Variants in LNPEP observed in about 807,000 individuals in gnomAD.
The protein encoded by LNPEP is leucyl and cystinyl aminopeptidase, also known as leucyl-cystinyl aminopeptidase.
In LNPEP, 64 loss-of-function variants were observed where a neutral mutation model predicts 120.6. The ratio of observed to expected loss-of-function variants is 0.53; its 90% CI spans 0.43 to 0.65. The LOEUF (loss-of-function observed/expected upper bound fraction) is 0.65, where lower values mean the gene tolerates loss of function less well. Ranked by LOEUF, LNPEP falls within the 30% of genes least tolerant of loss-of-function variation. The pLI is 0.00. For missense variants in LNPEP, 1,057 were observed against 1,200.0 expected (o/e 0.88, Z 1.76); for synonymous variants, 435 against 425.4 (o/e 1.02, Z -0.28).
chr5:96,979,144 T>C lies in LNPEP; in HGVS notation c.26T>C (p.Leu9Pro). 1.6e-5 allele frequency: 26 copies of C among 1,598,344 alleles called. No homozygotes were observed. Among genetic ancestry groups the C allele is most frequent in the Non-Finnish European group, 2.1e-5 (25 of 1,172,290 alleles). Residue 9 changes from leucine to proline, a missense_variant, in exon 2 of 18, where the codon CTT becomes CCT. Transcript: ENST00000231368. ...TTATGTTTTGGTTTTTTAGATCGGCTTCAGCTCCCCAGGAATATGATTGAA... is the reference window on the plus strand; with the variant it reads ...TTATGTTTTGGTTTTTTAGATCGGCCTCAGCTCCCCAGGAATATGATTGAA... MEPFTNDR[L>P]QLPRNMIENS...
chr5:96,938,171 A>G (rs980564954), intron 1 of LNPEP, among the ~76,000 whole-genome samples: 5 of 152,254 alleles, frequency 3.3e-5, no homozygotes, highest in African/African-American at 1.2e-4. Context: ...GTGTTTTCAA[A>G]TGACATGGTA....
rs748704674 is a variant in LNPEP at position 96,998,121 on chromosome 5, G to A, written c.1629G>A (p.Met543Ile). The A allele has an allele frequency of 6.3e-7, 1 of 1,599,340 alleles. No homozygotes were observed. Among genetic ancestry groups the A allele is most frequent in the Non-Finnish European group, 8.5e-7 (1 of 1,173,644 alleles). Residue 543 changes from methionine (M) to isoleucine (I), a missense_variant, in exon 8 of 18, where the codon ATG becomes ATA. By Grantham distance (10) the Met-to-Ile change is conservative (BLOSUM62 1). Transcript: ENST00000231368. ...AGTCTTCAGAACAAATTGAAGAAAT[G>A]TTTGATTCTCTTTCCTATTTTAAGG... ...SVQSSEQIEE[M>I]FDSLSYFKGS...
intron 4 of LNPEP, among the ~76,000 whole-genome samples, chr5:96,989,074 C>T (rs546442861): frequency 2.6e-5 from 4 of 151,618 alleles, no homozygotes; most frequent in African/African-American, 9.7e-5. Context: ...TTTTAGATGA[C>T]TATGTTTTCT....
At chr5:96,994,038 G>T in intron 6 of LNPEP, 67 bp downstream of exon 6, 1 of 1,263,112 alleles carries the variant, frequency 7.9e-7, no homozygotes, top group South Asian at 1.5e-5. Flanking sequence ...GTTATTGTTA[G>T]CATTTAGATG....
chr5:96,937,066 T>C (rs1054352473), intron 1 of LNPEP: 1 of 152,114 alleles, frequency 6.6e-6, no homozygotes, highest in East Asian at 1.9e-4. Flanking sequence ...CCTTTTAAGA[T>C]AGAAAGTAGG....
At chr5:96,950,880 A>T (rs1414172200) in intron 1 of LNPEP, among the ~76,000 whole-genome samples, 5 of 152,192 alleles carry the variant, frequency 3.3e-5, no homozygotes, top group Non-Finnish European at 2.9e-5. Flanking sequence ...GAGTAATTAT[A>T]TGGGAACATA....
At chr5:96,995,641 G>A (rs904194655) in intron 6 of LNPEP, among the ~76,000 whole-genome samples, 5 of 151,740 alleles carry the variant, frequency 3.3e-5, no homozygotes, top group Non-Finnish European at 5.9e-5. Context: ...TGATCCTCCC[G>A]CCTCATCCTC....
intron 1 of LNPEP, among the ~76,000 whole-genome samples, chr5:96,946,644 C>T (rs867328753): frequency 3.3e-5 from 5 of 152,242 alleles, no homozygotes; most frequent in Middle Eastern, 6.8e-3. Context: ...TTTGACTAAT[C>T]CATAACTAAT....
chr5:97,002,291 G>A (rs992672313), intron 8 of LNPEP, among the ~76,000 whole-genome samples: 16 of 152,054 alleles, frequency 1.1e-4, no homozygotes, highest in African/African-American at 3.4e-4. Context: ...AAAACAGCAC[G>A]GTAACGAGTT....
chr5:97,028,389 G>A lies in LNPEP; in HGVS notation c.2947-13G>A, dbSNP rs746498479. ...TTTTCTTCTTTTGAAATTCTTCTGT[G>A]TGAAACTTACAGGTTCAGGCATTCT... On this transcript the variant is annotated splice_polypyrimidine_tract_variant and intron_variant, in intron 17 of 17. Coordinates refer to ENST00000231368, the MANE Select transcript of LNPEP (RefSeq NM_005575.3). 6.2e-7 allele frequency: 1 copy of A among 1,612,974 alleles called. No homozygotes were observed. The highest frequency in any genetic ancestry group is 8.5e-7 in the Non-Finnish European group (1 of 1,179,060).
rs1791493972 is a variant in LNPEP at position 97,032,733 on chromosome 5, T to A, written c.*4200T>A. 6.6e-6 allele frequency: 1 copy of A among 152,224 alleles called. No individual in the cohort carries two copies. The highest frequency in any genetic ancestry group is 1.9e-4 in the East Asian group (1 of 5,202). 9.4% of individuals were successfully genotyped at this position (152,224 alleles called of 1,614,324 possible). On this transcript the variant is annotated 3_prime_UTR_variant, in exon 18 of 18. Coordinates refer to ENST00000231368, the MANE Select transcript of LNPEP (RefSeq NM_005575.3). The stretch of plus-strand genomic sequence containing the variant: ...ATTTTGTGTTATTTCATTTTGTATT[T>A]CATTCATCCATTTTGTGGACGTGTA...
intron 1 of LNPEP, among the ~76,000 whole-genome samples, chr5:96,945,132 C>A (rs1288515938): frequency 6.6e-6 from 1 of 152,020 alleles, no homozygotes; most frequent in East Asian, 1.9e-4. Context: ...TGCAGTGGCT[C>A]ACACCTGTAA....
At chr5:96,991,210 A>G (rs537382816) in intron 4 of LNPEP, among the ~76,000 whole-genome samples, 7 of 152,296 alleles carry the variant, frequency 4.6e-5, no homozygotes, top group South Asian at 2.1e-4. Flanking sequence ...ATCGTCCCCA[A>G]TTCCATCCAG....
At chr5:96,992,130 TC>T (rs1271022572) in intron 4 of LNPEP, among the ~76,000 whole-genome samples, 1 of 152,194 alleles carries the variant, frequency 6.6e-6, no homozygotes. Flanking sequence ...GTTTGTCGCA[TC>T]ATATATGTTT....
At chr5:96,968,136 A>G (rs1452659608) in intron 1 of LNPEP, among the ~76,000 whole-genome samples, 2 of 152,102 alleles carry the variant, frequency 1.3e-5, no homozygotes, top group Non-Finnish European at 2.9e-5. Context: ...AATAGTGTGC[A>G]TAATTTCCTT....
At position 96,971,345 on chromosome 5, in the gene LNPEP, TTGTGTGTG is replaced by T. The variant is rs3076561; in HGVS notation, c.20-7761_20-7754del. ...CATGATGTGCTTAAGACATTATTAT[TTGTGTGTG>T]TGTGTGTGTGTGTGTGTGTGTGTGT... On this transcript the variant is annotated intron_variant, in intron 1 of 17. Coordinates refer to ENST00000231368, the MANE Select transcript of LNPEP (RefSeq NM_005575.3). Among the ~76,000 whole-genome samples, 406 of 142,908 alleles carry T rather than the reference TTGTGTGTG, an allele frequency of 2.8e-3. 2 individuals carry two copies. Among genetic ancestry groups the T allele is most frequent in the South Asian group, 9.0e-3 (40 of 4,468 alleles). The allele number at this position is 142,908 out of a possible 152,430, so 93.8% of individuals were successfully genotyped here. A position where few individuals can be genotyped will look rare whatever the true frequency, so the allele number is the denominator to read the frequency against.
intron 15 of LNPEP, among the ~76,000 whole-genome samples, chr5:97,025,955 G>A (rs73141126): frequency 0.025 from 3,763 of 152,144 alleles, 160 homozygotes; most frequent in African/African-American, 0.086. Context: ...GGAGTGGGGC[G>A]TGGTTTCTCA....
chr5:96,938,230 T>A (rs1788965332), intron 1 of LNPEP, among the ~76,000 whole-genome samples: 1 of 152,252 alleles, frequency 6.6e-6, no homozygotes, highest in Non-Finnish European at 1.5e-5. Flanking sequence ...AAATAATGCA[T>A]GTATAATGCT....
intron 3 of LNPEP, 76 bp downstream of exon 3, chr5:96,985,294 C>T (rs1202009101): frequency 8.2e-7 from 1 of 1,226,272 alleles, no homozygotes; most frequent in Non-Finnish European, 1.1e-6. Context: ...TCCTCTTTGC[C>T]AGACTACAGT....
Sources: gnomAD v4.1 joint callset for allele counts (sites outside exome capture counted in the v4.1 genomes callset) on GRCh38, gnomAD v4.1.1 for gene constraint, MANE v1.5 for transcripts, NCBI Gene and HGNC (gene_info 2026-07-23, HGNC 2026-07-21) for gene names.